DDX10: variants seen among roughly 807,000 people sequenced by gnomAD.
DDX10 encodes DEAD-box helicase 10.
DDX10 carries 74 observed loss-of-function variants against 104.3 expected under a neutral mutation model. That is an observed-to-expected ratio of 0.71 (90% CI 0.59 to 0.86). The LOEUF (loss-of-function observed/expected upper bound fraction) is 0.86, where lower values mean the gene tolerates loss of function less well. DDX10 is among the 40% of genes least tolerant of loss of function. The pLI, the probability that DDX10 is intolerant of heterozygous loss-of-function variation, is 0.00. For missense variants in DDX10, 952 were observed against 1,040.0 expected (o/e 0.92, Z 1.16); for synonymous variants, 351 against 353.4 (o/e 0.99, Z 0.08).
intron 9 of DDX10, among the ~76,000 whole-genome samples, chr11:108,697,214 A>G (rs1490443216): frequency 2.1e-5 from 3 of 142,702 alleles, no homozygotes; most frequent in Non-Finnish European, 3.0e-5. Context: ...AAGGTTTAGC[A>G]TATATAATGC....
rs192794001 is a variant in DDX10 at position 108,834,514 on chromosome 11, C to G, written c.1966-3932C>G. ...ATACACCTGTGTAACTCAAACTTAT[C>G]AAGATCTAGACCACTGCCATGACCC... On this transcript the variant is annotated intron_variant, in intron 13 of 17. Coordinates refer to ENST00000322536, the MANE Select transcript of DDX10 (RefSeq NM_004398.4). Among the ~76,000 whole-genome samples the G allele has an allele frequency of 6.8e-4, 103 of 152,256 alleles. 2 individuals are homozygous for G. The East Asian group carries it at 0.019, about 28-fold the overall frequency.
At chr11:108,819,124 T>C (rs1862292394) in intron 13 of DDX10, among the ~76,000 whole-genome samples, 1 of 152,232 alleles carries the variant, frequency 6.6e-6, no homozygotes, top group Non-Finnish European at 1.5e-5. Flanking sequence ...ATTGCCTTTT[T>C]TTCATCACTG....
chr11:108,868,314 A>G (rs1591102761), intron 16 of DDX10: 1 of 151,954 alleles, frequency 6.6e-6, no homozygotes, highest in East Asian at 1.9e-4. Flanking sequence ...GTATGGCTGG[A>G]TGATTGAAGA....
chr11:108,879,944 A>T (rs1033155237), intron 16 of DDX10, among the ~76,000 whole-genome samples: 2 of 152,074 alleles, frequency 1.3e-5, no homozygotes, highest in Admixed American at 6.5e-5. Flanking sequence ...ACATGATGTT[A>T]AAAAAAATTG....
intron 17 of DDX10, among the ~76,000 whole-genome samples, chr11:108,930,507 A>G (rs1863962591): frequency 6.6e-6 from 1 of 152,204 alleles, no homozygotes; most frequent in Non-Finnish European, 1.5e-5. Flanking sequence ...TTGGGTAAAT[A>G]TCAAAGGGCA....
At chr11:108,773,733 A>G (rs1467513258) in intron 13 of DDX10, among the ~76,000 whole-genome samples, 1 of 152,158 alleles carries the variant, frequency 6.6e-6, no homozygotes, top group Non-Finnish European at 1.5e-5. Context: ...AAATATAGTA[A>G]GGGCATTTAA....
chr11:108,910,567 C>T (rs1307502343), intron 16 of DDX10, among the ~76,000 whole-genome samples: 1 of 152,190 alleles, frequency 6.6e-6, no homozygotes, highest in African/African-American at 2.4e-5. Flanking sequence ...TTCCAACTAA[C>T]TGTTTTAAGA....
chr11:108,731,432 G>A lies in DDX10; in HGVS notation c.1965+7970G>A, dbSNP rs368740963. 1.1e-4 allele frequency among the ~76,000 whole-genome samples: 16 copies of A among 151,804 alleles called. No homozygotes were observed. The East Asian group carries it at 3.1e-3, about 29-fold the overall frequency. On this transcript the variant is annotated intron_variant, in intron 13 of 17. Transcript: ENST00000322536. ...TAAAAATTAATACTTATTTTCACTCGTGTTAATATCTTTTGATTCTTCTCC... is the reference window on the plus strand; with the variant it reads ...TAAAAATTAATACTTATTTTCACTCATGTTAATATCTTTTGATTCTTCTCC...
At chr11:108,915,991 A>G (rs1021458868) in intron 16 of DDX10, among the ~76,000 whole-genome samples, 4 of 150,138 alleles carry the variant, frequency 2.7e-5, no homozygotes, top group African/African-American at 7.3e-5. Context: ...AATTACAGCT[A>G]TTTTTCATAA....
chr11:108,911,587 T>G (rs1304377891), intron 16 of DDX10, among the ~76,000 whole-genome samples: 3 of 61,546 alleles, frequency 4.9e-5, no homozygotes, highest in East Asian at 5.3e-4. Flanking sequence ...TTTTTTTTTT[T>G]GAGACAGGAC....
chr11:108,679,839 TTAA>T (rs1163241142), intron 6 of DDX10, among the ~76,000 whole-genome samples: 1 of 152,216 alleles, frequency 6.6e-6, no homozygotes, highest in African/African-American at 2.4e-5. Context: ...ACACTACCTC[TTAA>T]TAAACGAAGG....
chr11:108,678,046 T>C (rs2094228437), intron 4 of DDX10, among the ~76,000 whole-genome samples: 1 of 152,158 alleles, frequency 6.6e-6, no homozygotes, highest in Non-Finnish European at 1.5e-5. Context: ...ACTTGGAGTA[T>C]TCATTTGATT....
intron 6 of DDX10, among the ~76,000 whole-genome samples, chr11:108,685,307 G>C (rs566296607): frequency 6.6e-6 from 1 of 151,130 alleles, no homozygotes; most frequent in East Asian, 1.9e-4. Context: ...AGGTGCGTCC[G>C]TCACCCCTTT....
chr11:108,882,338 C>T (rs946489679), intron 16 of DDX10, among the ~76,000 whole-genome samples: 1 of 152,136 alleles, frequency 6.6e-6, no homozygotes, highest in Admixed American at 6.5e-5. Flanking sequence ...TAACTCTCGA[C>T]GCCAGGGCAT....
intron 13 of DDX10, among the ~76,000 whole-genome samples, chr11:108,729,610 G>T (rs1403116350): frequency 2.0e-5 from 3 of 150,914 alleles, no homozygotes; most frequent in African/African-American, 7.3e-5. Context: ...TTAAACATAT[G>T]ATGCCTGACT....
At chr11:108,850,054 C>T (rs1349126462) in intron 15 of DDX10, among the ~76,000 whole-genome samples, 3 of 151,988 alleles carry the variant, frequency 2.0e-5, no homozygotes, top group Non-Finnish European at 4.4e-5. Context: ...AAGAAAGAAA[C>T]GTTTTCTAAT....
intron 13 of DDX10, among the ~76,000 whole-genome samples, chr11:108,837,129 A>T (rs988999373): frequency 6.6e-6 from 1 of 152,200 alleles, no homozygotes; most frequent in Non-Finnish European, 1.5e-5. Context: ...ATACTTTTTC[A>T]TATGTTTTAC....
chr11:108,699,719 G>A (rs2094264807), intron 9 of DDX10, among the ~76,000 whole-genome samples: 1 of 152,148 alleles, frequency 6.6e-6, no homozygotes, highest in South Asian at 2.1e-4. Context: ...AATACCAGGA[G>A]GTGCAGATTA....
intron 16 of DDX10, among the ~76,000 whole-genome samples, chr11:108,884,371 T>TC (rs1049058708): frequency 2.6e-5 from 4 of 152,082 alleles, no homozygotes; most frequent in African/African-American, 9.7e-5. Flanking sequence ...AAGCTTGTTC[T>TC]CCCCCAGTCT....
Sources: gnomAD v4.1 joint callset for allele counts (sites outside exome capture counted in the v4.1 genomes callset) on GRCh38, gnomAD v4.1.1 for gene constraint, MANE v1.5 for transcripts, NCBI Gene and HGNC (gene_info 2026-07-23, HGNC 2026-07-21) for gene names.